USP39: variants seen among roughly 807,000 people sequenced by gnomAD.
USP39 encodes the protein ubiquitin specific peptidase 39.
A neutral mutation model predicts 66.4 loss-of-function variants in USP39; 38 were observed. The ratio of observed to expected loss-of-function variants is 0.57; its 90% CI spans 0.44 to 0.75. The LOEUF is 0.75. USP39 is among the 30% of genes least tolerant of loss of function. The pLI, the probability that USP39 is intolerant of heterozygous loss-of-function variation, is 0.00. For missense variants in USP39, 608 were observed against 714.4 expected (o/e 0.85, Z 1.70); for synonymous variants, 303 against 274.6 (o/e 1.10, Z -1.02).
rs191568040 is a variant in USP39, at chr2:85,619,198, C to A, written c.269-22C>A. 399 of 1,613,406 alleles carry A rather than the reference C, an allele frequency of 2.5e-4. 4 individuals are homozygous for A. The East Asian group carries it at 6.9e-3, about 28-fold the overall frequency. On this transcript the variant is annotated intron_variant, in intron 1 of 12. Transcript: ENST00000323701. ...GAGTATAGGTTTCCCATTTTCAAAGCCTGTGATGATTTTCCTTTCAGCAAA... is the reference window on the plus strand; with the variant it reads ...GAGTATAGGTTTCCCATTTTCAAAGACTGTGATGATTTTCCTTTCAGCAAA...
At chr2:85,643,528 C>T (rs1158914000) in intron 10 of USP39, among the ~76,000 whole-genome samples, 1 of 151,806 alleles carries the variant, frequency 6.6e-6, no homozygotes, top group African/African-American at 2.4e-5. Flanking sequence ...GATACTCATT[C>T]AGACAAGTCT....
At chr2:85,642,926 T>C (rs915680156) in intron 10 of USP39, among the ~76,000 whole-genome samples, 7 of 152,016 alleles carry the variant, frequency 4.6e-5, no homozygotes, top group Non-Finnish European at 5.9e-5. Context: ...GTTGCTGTGG[T>C]TGGGAGATGA....
At chr2:85,642,305 C>T (rs1476348500) in intron 10 of USP39, among the ~76,000 whole-genome samples, 5 of 152,228 alleles carry the variant, frequency 3.3e-5, no homozygotes, top group Non-Finnish European at 7.3e-5. Flanking sequence ...GAGGTTTGTT[C>T]TCTGCCTCCT....
intron 6 of USP39, 36 bp from the exon 7 acceptor site, chr2:85,636,017 T>C: frequency 6.2e-7 from 1 of 1,605,846 alleles, no homozygotes; most frequent in East Asian, 2.2e-5. Flanking sequence ...TAATGCCACT[T>C]AGCTTCAACG....
At chr2:85,614,227 T>G (rs1418163079), upstream of USP39, among the ~76,000 whole-genome samples, 1 of 152,084 alleles carries the variant, frequency 6.6e-6, no homozygotes, top group Non-Finnish European at 1.5e-5. Context: ...ATTAAGAAAG[T>G]AAAGTAGCCA....
intron 1 of USP39, among the ~76,000 whole-genome samples, chr2:85,618,223 TG>T (rs879504914): frequency 1.3e-5 from 2 of 151,884 alleles, no homozygotes; most frequent in African/African-American, 4.8e-5. Flanking sequence ...CCCAGAGTGC[TG>T]GGATTACAGG....
upstream of USP39, chr2:85,609,439 T>G (rs772937056): frequency 1.2e-6 from 2 of 1,614,146 alleles, no homozygotes; most frequent in Non-Finnish European, 1.7e-6. Context: ...GCGTACCTGA[T>G]AGACGATAAC....
chr2:85,611,525 T>C (rs1287210409), upstream of USP39: 1 of 1,550,738 alleles, frequency 6.4e-7, no homozygotes, highest in African/African-American at 1.4e-5. Flanking sequence ...CAGCGGAGAT[T>C]TGGGAGCGCT....
At chr2:85,605,975 C>T (rs773236717) in intron 1 of USP39, among the ~76,000 whole-genome samples, 4 of 152,184 alleles carry the variant, frequency 2.6e-5, no homozygotes, top group Non-Finnish European at 4.4e-5. Flanking sequence ...CCGTGCTTGC[C>T]AGCTGGATAA....
At chr2:85,611,521 A>C (rs1558840100), upstream of USP39, 3 of 1,550,758 alleles carry the variant, frequency 1.9e-6, no homozygotes, top group Non-Finnish European at 2.6e-6. Context: ...CATTCAGCGG[A>C]GATTTGGGAG....
At position 85,637,373 on chromosome 2, in the gene USP39, T is replaced by C. The variant is rs1398326113; in HGVS notation, c.1032T>C (p.Ile344=). ...LGGTKKKKKT[I]VTDVFQGSMR... Reference sequence around the variant, plus strand: ...TCTTGCTTCCTGTTTGTGCAGCTATTGTGACTGATGTTTTCCAGGGGTCCA... The same window carrying C: ...TCTTGCTTCCTGTTTGTGCAGCTATCGTGACTGATGTTTTCCAGGGGTCCA... The change falls in exon 8 of 13, where the codon ATT becomes ATC. Residue 344 remains isoleucine (I), a synonymous_variant. Transcript: ENST00000323701. 6.2e-7 allele frequency: 1 copy of C among 1,614,230 alleles called. No homozygotes were observed. The highest frequency in any genetic ancestry group is 1.3e-5 in the African/African-American group (1 of 75,052).
At chr2:85,614,684 T>G (rs1300404154), upstream of USP39, among the ~76,000 whole-genome samples, 1 of 152,198 alleles carries the variant, frequency 6.6e-6, no homozygotes, top group Non-Finnish European at 1.5e-5. Flanking sequence ...GATAAAGGAT[T>G]AATTTTATTA....
At chr2:85,611,391 C>T, upstream of USP39, 1 of 1,471,182 alleles carries the variant, frequency 6.8e-7, no homozygotes, top group Non-Finnish European at 9.0e-7. Context: ...TAGCGGAGCA[C>T]CTTACTAAAA....
chr2:85,628,572 C>T (rs1299207145), intron 5 of USP39, among the ~76,000 whole-genome samples: 13 of 152,156 alleles, frequency 8.5e-5, no homozygotes, highest in African/African-American at 3.1e-4. Context: ...TTAACAAACC[C>T]TGTGTGATGA....
rs139396492 is a variant in USP39, at chr2:85,637,884, C to T, written c.1095+448C>T. ...GCTAATTTTGTATTTTTAGTTGTGA[C>T]GGGGCTTCACCATGTTGGTCCAGGC... On this transcript the variant is annotated intron_variant, in intron 8 of 12. Transcript: ENST00000323701. Among the ~76,000 whole-genome samples the T allele has an allele frequency of 1.8e-3, 272 of 151,986 alleles. 1 individual carries two copies. The highest frequency in any genetic ancestry group is 6.4e-3 in the African/African-American group (265 of 41,470).
At chr2:85,619,398 C>G in intron 2 of USP39, 109 bp downstream of exon 2, 1 of 1,137,076 alleles carries the variant, frequency 8.8e-7, no homozygotes, top group African/African-American at 1.5e-5. Context: ...TTTTTTTGAA[C>G]CTGTCTAGAG....
chr2:85,637,131 A>G (rs766491372), intron 7 of USP39, among the ~76,000 whole-genome samples: 11 of 152,166 alleles, frequency 7.2e-5, no homozygotes, highest in Non-Finnish European at 1.5e-4. Context: ...TTTATGGACC[A>G]GGCCCTGTGA....
chr2:85,630,479 T>C (rs1278784380), intron 5 of USP39, among the ~76,000 whole-genome samples: 1 of 152,250 alleles, frequency 6.6e-6, no homozygotes, highest in African/African-American at 2.4e-5. Context: ...TGTTTTAACC[T>C]TCTTTGTGGT....
chr2:85,618,321 T>C (rs1674157627), intron 1 of USP39, among the ~76,000 whole-genome samples: 1 of 151,560 alleles, frequency 6.6e-6, no homozygotes, highest in African/African-American at 2.4e-5. Context: ...CCCAGCACTT[T>C]GGGAGGCCAA....
Sources: gnomAD v4.1 joint callset for allele counts (sites outside exome capture counted in the v4.1 genomes callset) on GRCh38, gnomAD v4.1.1 for gene constraint, MANE v1.5 for transcripts, NCBI Gene and HGNC (gene_info 2026-07-23, HGNC 2026-07-21) for gene names.